Variants in CREB5 observed in about 807,000 individuals in gnomAD.
The protein encoded by CREB5 is cAMP responsive element binding protein 5.
Under a neutral mutation model 57.1 loss-of-function variants are expected in CREB5, and 19 were observed. The observed-to-expected ratio is 0.33, with a 90% CI of 0.23 to 0.49. CREB5 has a LOEUF of 0.49. CREB5 is among the 20% of genes least tolerant of loss of function. The pLI is 0.99. For synonymous variants in CREB5, 238 were observed against 238.3 expected (o/e 1.00, Z 0.01); for missense variants, 579 against 671.6 (o/e 0.86, Z 1.52).
chr7:28,459,096 C>T (rs935801110), intron 1 of CREB5, among the ~76,000 whole-genome samples: 1 of 152,188 alleles, frequency 6.6e-6, no homozygotes, highest in Non-Finnish European at 1.5e-5. Flanking sequence ...CCACACCCAT[C>T]CAGTGACCAT....
At chr7:28,700,226 G>A (rs559697959) in intron 5 of CREB5, among the ~76,000 whole-genome samples, 9 of 152,100 alleles carry the variant, frequency 5.9e-5, no homozygotes, top group South Asian at 2.1e-4. Flanking sequence ...ACTCACACAC[G>A]CGCACAAGCA....
chr7:28,551,920 TTTTC>T (rs142014072), intron 4 of CREB5, among the ~76,000 whole-genome samples: 12,074 of 149,972 alleles, frequency 0.081, 1,189 homozygotes, highest in African/African-American at 0.23. Flanking sequence ...TCTTTCTCTT[TTTTC>T]TTTCTTTCTT....
intron 2 of CREB5, 149 bp downstream of exon 2, chr7:28,488,395 C>A: frequency 1.6e-6 from 1 of 620,984 alleles, no homozygotes; most frequent in African/African-American, 1.8e-5. Flanking sequence ...TCGTGATCAT[C>A]ATCATTTTCA....
At chr7:28,364,905 T>C (rs1786556806) in intron 1 of CREB5, among the ~76,000 whole-genome samples, 1 of 152,168 alleles carries the variant, frequency 6.6e-6, no homozygotes, top group Non-Finnish European at 1.5e-5. Context: ...TTTATAGCCC[T>C]CTTCTACTAG....
chr7:28,585,913 G>A (rs924419848), intron 5 of CREB5, among the ~76,000 whole-genome samples: 1 of 152,188 alleles, frequency 6.6e-6, no homozygotes, highest in Non-Finnish European at 1.5e-5. Flanking sequence ...CTTTCAGTCA[G>A]GGAAGTGTAT....
chr7:28,560,941 C>CGCGT (rs1795201744), intron 4 of CREB5, among the ~76,000 whole-genome samples: 1 of 44,678 alleles, frequency 2.2e-5, no homozygotes, highest in Non-Finnish European at 4.1e-5. Context: ...TGTGTGCGTG[C>CGCGT]GTGTGTGTGC....
At chr7:28,817,634 T>C (rs1182954765) in intron 9 of CREB5, among the ~76,000 whole-genome samples, 1 of 152,226 alleles carries the variant, frequency 6.6e-6, no homozygotes, top group Admixed American at 6.5e-5. Context: ...TATTATGTGC[T>C]GGGTATTGTT....
chr7:28,484,179 G>A lies in CREB5; in HGVS notation c.4-3996G>A, dbSNP rs144192919. On this transcript the variant is annotated intron_variant, in intron 1 of 10. Transcript: ENST00000357727. The stretch of plus-strand genomic sequence containing the variant: ...ATGAGGACTCAGGGAGAACAGCCTC[G>A]TTCAAATCCTGTCTGAGTAATTTGC... Among the ~76,000 whole-genome samples, 151 of 152,292 alleles carry A rather than the reference G, an allele frequency of 9.9e-4. 1 individual carries two copies. The highest frequency in any genetic ancestry group is 9.8e-3 in the East Asian group (51 of 5,186).
intron 7 of CREB5, among the ~76,000 whole-genome samples, chr7:28,764,898 T>G (rs1041841052): frequency 1.3e-5 from 2 of 152,214 alleles, no homozygotes; most frequent in Non-Finnish European, 2.9e-5. Context: ...AAATTATCTT[T>G]AGTAACTTCA....
intron 1 of CREB5, among the ~76,000 whole-genome samples, chr7:28,348,783 A>C (rs1786127061): frequency 6.6e-6 from 1 of 152,192 alleles, no homozygotes; most frequent in Non-Finnish European, 1.5e-5. Context: ...AAGTGGTGCC[A>C]AGAGCCACAT....
intron 7 of CREB5, among the ~76,000 whole-genome samples, chr7:28,753,679 T>C (rs1245207285): frequency 6.6e-6 from 1 of 152,194 alleles, no homozygotes; most frequent in Admixed American, 6.5e-5. Flanking sequence ...TTGAATTTAT[T>C]CCAAATATTT....
intron 7 of CREB5, among the ~76,000 whole-genome samples, chr7:28,760,422 C>T (rs1430761181): frequency 1.3e-5 from 2 of 152,202 alleles, no homozygotes; most frequent in African/African-American, 2.4e-5. Flanking sequence ...ACTGATTATA[C>T]CACCTTGAAG....
intron 5 of CREB5, among the ~76,000 whole-genome samples, chr7:28,619,821 A>G (rs763417310): frequency 4.6e-5 from 7 of 152,184 alleles, no homozygotes; most frequent in Non-Finnish European, 1.0e-4. Context: ...AGCACTGAAC[A>G]CAGAGCCAGA....
intron 10 of CREB5, 32 bp from the exon 11 acceptor site, chr7:28,819,072 GGTGTGTGTGTAT>G: frequency 6.3e-7 from 1 of 1,574,872 alleles, no homozygotes; most frequent in Non-Finnish European, 8.6e-7. Flanking sequence ...GACCTATATT[GGTGTGTGTGTAT>G]GTGTGTGTGT....
chr7:28,311,467 G>C (rs1003479373), intron 1 of CREB5, among the ~76,000 whole-genome samples: 5 of 152,164 alleles, frequency 3.3e-5, no homozygotes, highest in African/African-American at 1.2e-4. Context: ...CCCTCTTCCC[G>C]TGGAACATTG....
chr7:28,661,759 T>C (rs1408068359), intron 5 of CREB5, among the ~76,000 whole-genome samples: 1 of 152,242 alleles, frequency 6.6e-6, no homozygotes, highest in Admixed American at 6.5e-5. Flanking sequence ...ATTGTCCATG[T>C]ACTAGGGATC....
chr7:28,518,456 A>G (rs1027642013), intron 4 of CREB5, among the ~76,000 whole-genome samples: 27 of 152,222 alleles, frequency 1.8e-4, no homozygotes, highest in Admixed American at 3.3e-4. Flanking sequence ...TGTTATGCAC[A>G]GAGCTTAGGA....
intron 4 of CREB5, among the ~76,000 whole-genome samples, chr7:28,549,226 A>G (rs541273165): frequency 3.9e-5 from 6 of 152,324 alleles, no homozygotes; most frequent in Admixed American, 1.3e-4. Context: ...AAAAGCATAT[A>G]AGTATGATCT....
chr7:28,819,411 A>G lies in CREB5; in HGVS notation c.*132A>G. 1.2e-6 allele frequency: 1 copy of G among 859,092 alleles called. No individual in the cohort carries two copies. Among genetic ancestry groups the G allele is most frequent in the Non-Finnish European group, 1.7e-6 (1 of 584,326 alleles). 53.2% of individuals were successfully genotyped at this position (859,092 alleles called of 1,614,324 possible). The stretch of plus-strand genomic sequence containing the variant: ...TTCAAAGACTGGCTTTCATTTTTAT[A>G]GTTATTATGGAAATGTTGTCTTTTA... On this transcript the variant is annotated 3_prime_UTR_variant, in exon 11 of 11. Transcript: ENST00000357727.
Sources: allele counts gnomAD v4.1 joint callset (sites outside exome capture counted in the v4.1 genomes callset), GRCh38; gene constraint gnomAD v4.1.1; transcripts MANE v1.5; gene names NCBI Gene and HGNC (gene_info 2026-07-23, HGNC 2026-07-21).